Variants in ARID4A observed in about 807,000 individuals in gnomAD.
The protein encoded by ARID4A is AT-rich interactive domain-containing protein 4A.
A neutral mutation model predicts 148.6 loss-of-function variants in ARID4A; 39 were observed. That is an observed-to-expected ratio of 0.26 (90% CI 0.20 to 0.34). The LOEUF is 0.34. Among genes scored for constraint, ARID4A ranks in the 10% least tolerant of loss-of-function variants. The pLI, the probability that ARID4A is intolerant of heterozygous loss-of-function variation, is 1.00. For missense variants in ARID4A, 1,265 were observed against 1,449.1 expected (o/e 0.87, Z 2.06); for synonymous variants, 475 against 481.2 (o/e 0.99, Z 0.17).
rs545125964 is a variant in ARID4A at position 58,358,547 on chromosome 14, A to G, written c.1854-585A>G. Among the ~76,000 whole-genome samples the G allele has an allele frequency of 9.4e-4, 143 of 152,288 alleles. 1 individual carries two copies. The highest frequency in any genetic ancestry group is 3.3e-3 in the African/African-American group (137 of 41,576). On this transcript the variant is annotated intron_variant, in intron 17 of 23. Transcript: ENST00000355431. ...TTTAGGGGAAATGAGTTTTCAACTT[A>G]AGCTAAACAGAATAAACTTAGATAA...
At chr14:58,365,469 T>TTC (rs749960225) in intron 20 of ARID4A, 49 bp from the exon 21 acceptor site, 2 of 493,066 alleles carry the variant, frequency 4.1e-6, no homozygotes, top group South Asian at 6.4e-5. Context: ...TACTTGCTCT[T>TTC]TTTTTTTTTT....
At chr14:58,318,020 CAAAA>C (rs1247731837) in intron 5 of ARID4A, among the ~76,000 whole-genome samples, 5 of 150,970 alleles carry the variant, frequency 3.3e-5, no homozygotes, top group African/African-American at 1.2e-4. Flanking sequence ...CCTTTTCTAA[CAAAA>C]GAAAGAACTT....
At chr14:58,300,219 A>G (rs1399541552) in intron 2 of ARID4A, among the ~76,000 whole-genome samples, 2 of 152,206 alleles carry the variant, frequency 1.3e-5, no homozygotes, top group East Asian at 1.9e-4. Context: ...CCGTGTGCCA[A>G]TGCGATTTTC....
chr14:58,362,805 G>T (rs144361124), intron 19 of ARID4A, among the ~76,000 whole-genome samples: 1 of 152,088 alleles, frequency 6.6e-6, no homozygotes, highest in African/African-American at 2.4e-5. Flanking sequence ...TGATGTACCC[G>T]CCTCAGCGTC....
chr14:58,339,383 G>A (rs2033995495), intron 11 of ARID4A, among the ~76,000 whole-genome samples: 1 of 152,126 alleles, frequency 6.6e-6, no homozygotes, highest in Admixed American at 6.5e-5. Flanking sequence ...CAAAGATCAA[G>A]TTTAGTTATA....
Position 58,304,897 on chromosome 14 carries a change from T to C in ARID4A, c.118-47T>C, listed in dbSNP as rs925571559. 2.1e-6 allele frequency: 3 copies of C among 1,454,926 alleles called. No individual in the cohort carries two copies. The African/African-American group carries it at 4.2e-5, about 20-fold the overall frequency. 90.1% of individuals were successfully genotyped at this position (1,454,926 alleles called of 1,614,324 possible). A position where few individuals can be genotyped will look rare whatever the true frequency, so the allele number is the denominator to read the frequency against. On this transcript the variant is annotated intron_variant, in intron 3 of 23. Transcript: ENST00000355431. ...TTGTTATAGTGTTACTATAAATGTA[T>C]TTGTTTTAAAAGTAATATGCAAATT...
intron 9 of ARID4A, 67 bp downstream of exon 9, chr14:58,328,383 A>C: frequency 3.0e-6 from 3 of 1,000,902 alleles, no homozygotes; most frequent in Non-Finnish European, 3.0e-6. Context: ...AATGATAGAC[A>C]CCTCCCCCAC....
At chr14:58,346,360 G>A (rs373675563) in intron 12 of ARID4A, 51 bp from the exon 13 acceptor site, 154 of 1,319,088 alleles carry the variant, frequency 1.2e-4, no homozygotes, top group Non-Finnish European at 1.6e-4. Flanking sequence ...TTTCAAATTA[G>A]TATTTCTCAT....
chr14:58,372,000 C>T lies in ARID4A; in HGVS notation c.*11C>T. ...GTAGAATGCAGGTGATAAACATTTT[C>T]TCTACCTTCCCAGCAGTTTGCTGCC... On this transcript the variant is annotated 3_prime_UTR_variant, in exon 24 of 24. Coordinates refer to ENST00000355431, the MANE Select transcript of ARID4A (RefSeq NM_002892.4). 6.4e-7 allele frequency: 1 copy of T among 1,563,008 alleles called. No individual in the cohort carries two copies. The highest frequency in any genetic ancestry group is 8.8e-7 in the Non-Finnish European group (1 of 1,134,548).
At chr14:58,335,328 T>A (rs2140204535) in intron 11 of ARID4A, among the ~76,000 whole-genome samples, 1 of 151,380 alleles carries the variant, frequency 6.6e-6, no homozygotes, top group East Asian at 1.9e-4. Context: ...TTTTTTTTTT[T>A]AAGAGACAGA....
chr14:58,345,463 T>G (rs541237545), intron 12 of ARID4A, among the ~76,000 whole-genome samples: 2 of 152,136 alleles, frequency 1.3e-5, no homozygotes, highest in African/African-American at 2.4e-5. Context: ...TTAAACATAA[T>G]AGGAGACCAA....
chr14:58,355,536 A>G (rs777721384), intron 17 of ARID4A, among the ~76,000 whole-genome samples: 1 of 152,186 alleles, frequency 6.6e-6, no homozygotes, highest in Non-Finnish European at 1.5e-5. Context: ...AAAATATCTT[A>G]ATATTTTTGG....
At chr14:58,299,962 T>A in intron 2 of ARID4A, 102 bp downstream of exon 2, 1 of 1,519,376 alleles carries the variant, frequency 6.6e-7, no homozygotes, top group Non-Finnish European at 9.1e-7. Context: ...AAAATTGATG[T>A]TCCTACTGAT....
At chr14:58,346,929 A>G (rs956398803) in intron 13 of ARID4A, 91 bp from the exon 14 acceptor site, 45 of 74,284 alleles carry the variant, frequency 6.1e-4, no homozygotes, top group Non-Finnish European at 9.6e-4. Flanking sequence ...CCCTGTCTCA[A>G]AAAAAAAAAA....
chr14:58,365,249 G>A lies in ARID4A; in HGVS notation c.3160G>A (p.Ala1054Thr). 6.2e-7 allele frequency: 1 copy of A among 1,614,008 alleles called. No individual in the cohort carries two copies. Among genetic ancestry groups the A allele is most frequent in the Non-Finnish European group, 8.5e-7 (1 of 1,179,962 alleles). Residue 1054 changes from alanine to threonine, a missense_variant, in exon 20 of 24, where the codon GCC (alanine) becomes ACC (threonine). Physicochemically the swap from Ala to Thr is moderately conservative, Grantham distance 58. Around this residue, in one of 9 missense-constraint regions of ARID4A, gnomAD observed 666 missense variants for 730.9 expected, o/e 0.91. Transcript: ENST00000355431. ...GGCAAATGGATTTGAAACTAATGTT[G>A]CCTCTGGTACCTGTAGTATAATTGT... ...ESANGFETNV[A>T]SGTCSIIVQE...
intron 8 of ARID4A, among the ~76,000 whole-genome samples, chr14:58,327,298 G>A (rs1400655441): frequency 6.6e-6 from 1 of 152,200 alleles, no homozygotes; most frequent in African/African-American, 2.4e-5. Flanking sequence ...GTAGCAGAGA[G>A]AGGCTAGTGT....
At chr14:58,347,992 T>C in intron 15 of ARID4A, 114 bp downstream of exon 15, 1 of 710,566 alleles carries the variant, frequency 1.4e-6, no homozygotes, top group Non-Finnish European at 2.2e-6. Context: ...TTTTCCAGTA[T>C]TTAATGCTGC....
At chr14:58,327,318 C>T (rs2033270667) in intron 8 of ARID4A, among the ~76,000 whole-genome samples, 1 of 152,184 alleles carries the variant, frequency 6.6e-6, no homozygotes, top group South Asian at 2.1e-4. Flanking sequence ...TTAGGGAGAG[C>T]ATGAACAGAT....
chr14:58,323,521 G>A lies in ARID4A; in HGVS notation c.486G>A (p.Glu162=). ...EDEKEEESSE[E]EDEDKRRLND... ...AAAAGGAAGAAGAAAGCAGTGAAGA[G>A]GAAGATGAAGACAAGCGCCGTCTCA... Residue 162 remains glutamate (E), a synonymous_variant, in exon 8 of 24, where the codon GAG becomes GAA. Coordinates refer to ENST00000355431, the MANE Select transcript of ARID4A (RefSeq NM_002892.4). 1 of 1,614,078 alleles carries A rather than the reference G, an allele frequency of 6.2e-7. No individual in the cohort carries two copies. The highest frequency in any genetic ancestry group is 8.5e-7 in the Non-Finnish European group (1 of 1,179,958).
Sources: gnomAD v4.1 joint callset for allele counts (sites outside exome capture counted in the v4.1 genomes callset) on GRCh38, gnomAD v4.1.1 for gene constraint, gnomAD v4.1.1 regional missense constraint, MANE v1.5 for transcripts, NCBI Gene and HGNC (gene_info 2026-07-23, HGNC 2026-07-21) for gene names.